SLC9C1: variants seen among roughly 807,000 people sequenced by gnomAD.
SLC9C1 encodes the protein sodium/hydrogen exchanger 10.
Under a neutral mutation model 140.9 loss-of-function variants are expected in SLC9C1, and 97 were observed. The ratio of observed to expected loss-of-function variants is 0.69; its 90% CI spans 0.58 to 0.82. The LOEUF is 0.82. Among genes scored for constraint, SLC9C1 ranks in the 40% least tolerant of loss-of-function variants. The pLI is 0.00. For synonymous variants in SLC9C1, 440 were observed against 442.6 expected (o/e 0.99, Z 0.07); for missense variants, 1,340 against 1,389.3 (o/e 0.96, Z 0.56).
intron 20 of SLC9C1, among the ~76,000 whole-genome samples, chr3:112,189,429 G>A (rs1183398488): frequency 6.6e-6 from 1 of 152,220 alleles, no homozygotes; most frequent in Non-Finnish European, 1.5e-5. Context: ...AAGGGATCCA[G>A]TTTCAGCTTT....
At chr3:112,210,863 A>T (rs184585765) in intron 15 of SLC9C1, among the ~76,000 whole-genome samples, 5 of 152,242 alleles carry the variant, frequency 3.3e-5, no homozygotes, top group Admixed American at 3.3e-4. Context: ...ACAGGAAAAA[A>T]ACCCTTTATT....
rs866894469 is a variant in SLC9C1, at chr3:112,185,188, A to T, written c.2524-2930T>A. Among the ~76,000 whole-genome samples the T allele has an allele frequency of 7.7e-4, 117 of 152,122 alleles. 1 individual carries two copies. Among genetic ancestry groups the T allele is most frequent in the African/African-American group, 2.7e-3 (114 of 41,488 alleles). On this transcript the variant is annotated intron_variant, in intron 20 of 28. Transcript: ENST00000305815. Reference sequence around the variant, plus strand: ...TCACTCGTCCCCTGCCACTTGTCTTATATAAGGAGATAGAGGCTGTCAGTC... The same window carrying T: ...TCACTCGTCCCCTGCCACTTGTCTTTTATAAGGAGATAGAGGCTGTCAGTC...
chr3:112,145,554 T>C (rs2074761971), intron 28 of SLC9C1, among the ~76,000 whole-genome samples: 1 of 149,466 alleles, frequency 6.7e-6, no homozygotes, highest in African/African-American at 2.5e-5. Flanking sequence ...TTTGTATATC[T>C]GGTAGAATTT....
chr3:112,180,538 A>T, intron 22 of SLC9C1, 26 bp downstream of exon 22: 11 of 1,574,064 alleles, frequency 7.0e-6, no homozygotes, highest in Non-Finnish European at 9.5e-6. Context: ...CAAAAAAACA[A>T]AACAAAACAA....
intron 21 of SLC9C1, among the ~76,000 whole-genome samples, chr3:112,180,870 C>T (rs540651195): frequency 6.6e-6 from 1 of 152,274 alleles, no homozygotes; most frequent in South Asian, 2.1e-4. Context: ...ATTCTCCTAC[C>T]TCAGCCTCCT....
intron 4 of SLC9C1, among the ~76,000 whole-genome samples, 183 bp downstream of exon 4, chr3:112,278,546 C>CTT (rs1409263022): frequency 6.6e-6 from 1 of 152,060 alleles, no homozygotes; most frequent in Admixed American, 6.6e-5. Flanking sequence ...TCCCCTGGGT[C>CTT]TTTGATATGC....
intron 26 of SLC9C1, among the ~76,000 whole-genome samples, chr3:112,155,667 C>T (rs910525714): frequency 9.9e-5 from 15 of 151,890 alleles, no homozygotes; most frequent in African/African-American, 3.4e-4. Flanking sequence ...TATGGGGAAA[C>T]GCTCAGGAAT....
intron 20 of SLC9C1, among the ~76,000 whole-genome samples, chr3:112,197,160 G>A (rs2077788397): frequency 6.6e-6 from 1 of 151,952 alleles, no homozygotes; most frequent in East Asian, 1.9e-4. Context: ...CTTCCCCTGT[G>A]CATGCATTGT....
intron 7 of SLC9C1, 86 bp downstream of exon 7, chr3:112,269,826 TACTA>T: frequency 8.9e-7 from 1 of 1,126,480 alleles, no homozygotes; most frequent in African/African-American, 1.6e-5. Context: ...TGAATGTTTT[TACTA>T]ACTTTTGCCT....
intron 26 of SLC9C1, among the ~76,000 whole-genome samples, chr3:112,160,705 T>A (rs1216480292): frequency 6.6e-6 from 1 of 151,426 alleles, no homozygotes; most frequent in Non-Finnish European, 1.5e-5. Flanking sequence ...GTCTTTGCTA[T>A]TGTGAATAAT....
At chr3:112,156,883 T>C in intron 26 of SLC9C1, among the ~76,000 whole-genome samples, 1 of 152,142 alleles carries the variant, frequency 6.6e-6, no homozygotes, top group East Asian at 1.9e-4. Flanking sequence ...ACTTGTGTTT[T>C]TGCTATTGAA....
intron 10 of SLC9C1, among the ~76,000 whole-genome samples, chr3:112,250,918 A>G (rs577073950): frequency 9.2e-5 from 14 of 152,322 alleles, no homozygotes; most frequent in African/African-American, 3.4e-4. Flanking sequence ...AAATTGTTCT[A>G]CCATAAAGAC....
chr3:112,177,312 C>T (rs1328222249), intron 23 of SLC9C1, among the ~76,000 whole-genome samples: 4 of 151,894 alleles, frequency 2.6e-5, no homozygotes, highest in African/African-American at 9.7e-5. Flanking sequence ...TTGCCTGACT[C>T]CTGGTATCTC....
chr3:112,240,297 C>T (rs889931180), intron 11 of SLC9C1, among the ~76,000 whole-genome samples: 17 of 152,168 alleles, frequency 1.1e-4, no homozygotes, highest in African/African-American at 3.9e-4. Context: ...TATTTGGCCA[C>T]CTTTTGAGGT....
chr3:112,185,945 C>G, intron 20 of SLC9C1: 2 of 1,565,024 alleles, frequency 1.3e-6, no homozygotes, highest in Non-Finnish European at 1.7e-6. Flanking sequence ...GCAGCAGTAG[C>G]TTGGGGTGGT....
At chr3:112,200,496 T>C (rs1417073385) in intron 19 of SLC9C1, among the ~76,000 whole-genome samples, 1 of 152,060 alleles carries the variant, frequency 6.6e-6, no homozygotes, top group Non-Finnish European at 1.5e-5. Flanking sequence ...AAGGCCTTCA[T>C]TGTTGCATGA....
At position 112,263,031 on chromosome 3, in the gene SLC9C1, T is replaced by C. The variant is rs9809384; in HGVS notation, c.1090A>G (p.Ile364Val). 0.63 allele frequency: 1,001,266 copies of C among 1,597,438 alleles called. 317,710 individuals are homozygous for C. Among genetic ancestry groups the C allele is most frequent in the East Asian group, 0.78 (34,361 of 43,970 alleles). ...RVGHEFSWRW[I>V]FIMVCSEMKG... ...ATTTCACTACAGACCATTATGAATA[T>C]CCAGCGCCAACTGAACTCATGACCA... The change falls in exon 10 of 29, where the codon ATA (isoleucine) becomes GTA (valine). Residue 364 changes from isoleucine (I) to valine (V), a missense_variant. By Grantham distance (29) the Ile-to-Val change is conservative. Transcript: ENST00000305815.
chr3:112,273,827 G>A (rs1469121683), intron 6 of SLC9C1, among the ~76,000 whole-genome samples: 1 of 152,120 alleles, frequency 6.6e-6, no homozygotes, highest in Non-Finnish European at 1.5e-5. Context: ...AGAGTGGATT[G>A]TTTGATACCA....
intron 23 of SLC9C1, among the ~76,000 whole-genome samples, chr3:112,178,345 C>T (rs1392680148): frequency 6.6e-6 from 1 of 151,830 alleles, no homozygotes; most frequent in Non-Finnish European, 1.5e-5. Flanking sequence ...GCAGGCCAGT[C>T]TCAAACTCCT....
Sources: allele counts gnomAD v4.1 joint callset (sites outside exome capture counted in the v4.1 genomes callset), GRCh38; gene constraint gnomAD v4.1.1; transcripts MANE v1.5; gene names NCBI Gene and HGNC (gene_info 2026-07-23, HGNC 2026-07-21).